Variants in TDP1 observed in about 807,000 individuals in gnomAD.
The protein encoded by TDP1 is tyrosyl-DNA phosphodiesterase 1, also known as tyr-DNA phosphodiesterase 1.
A neutral mutation model predicts 81.5 loss-of-function variants in TDP1; 64 were observed. That is an observed-to-expected ratio of 0.79 (90% confidence interval 0.64 to 0.97). The LOEUF is 0.97. TDP1 is among the 50% of genes least tolerant of loss of function. The pLI is 0.00. For missense variants in TDP1, 723 were observed against 743.8 expected, an observed-to-expected ratio of 0.97 and a Z score of 0.33; for synonymous variants, 256 against 264.3, an observed-to-expected ratio of 0.97 and a Z score of 0.30.
At position 89,963,613 on chromosome 14, in the gene TDP1, T is replaced by C; in HGVS notation, c.499T>C (p.Tyr167His). The C allele has an allele frequency of 6.2e-7, 1 of 1,614,150 alleles. No individual in the cohort carries two copies. Among genetic ancestry groups the C allele is most frequent in the South Asian group, 1.1e-5 (1 of 91,078 alleles). ...MLDKGNPFQF[Y>H]LTRVSGVKPK... ...GGATAAAGGGAACCCCTTCCAGTTT[T>C]ACCTCACTAGAGTCTCTGGAGTTAA... is the stretch of plus-strand genomic sequence containing the variant. The change falls in exon 3 of 17, where the codon TAC (tyrosine) becomes CAC (histidine). Residue 167 changes from tyrosine (Y) to histidine (H), a missense_variant. Physicochemically the swap from Tyr to His is moderately conservative, Grantham distance 83. Transcript: ENST00000335725.
intron 4 of TDP1, 151 bp downstream of exon 4, chr14:89,966,341 C>A: frequency 1.4e-6 from 1 of 697,100 alleles, no homozygotes; most frequent in Non-Finnish European, 2.6e-6. Context: ...TCAAGTGCCA[C>A]AGTAATGAGA....
At chr14:90,022,812 G>C (rs1005683765) in intron 15 of TDP1, 3 of 972,752 alleles carry the variant, frequency 3.1e-6, no homozygotes, top group South Asian at 4.8e-5. Context: ...GGATGACCCA[G>C]AGATTTGTGC....
intron 14 of TDP1, among the ~76,000 whole-genome samples, chr14:90,010,467 C>T (rs1016399294): frequency 6.6e-6 from 1 of 152,146 alleles, no homozygotes; most frequent in South Asian, 2.1e-4. Context: ...GGAATTAAGG[C>T]AGCAGGTGGG....
chr14:89,978,922 A>C (rs1374283351), intron 7 of TDP1, among the ~76,000 whole-genome samples: 1 of 152,230 alleles, frequency 6.6e-6, no homozygotes, highest in Non-Finnish European at 1.5e-5. Context: ...TCGTTTTGGC[A>C]AGAGCTAAAT....
intron 15 of TDP1, among the ~76,000 whole-genome samples, chr14:90,030,613 C>T (rs868488069): frequency 2.6e-5 from 4 of 152,280 alleles, no homozygotes; most frequent in Middle Eastern, 3.4e-3. Context: ...GTGCCATTTG[C>T]TCTTATGCAG....
chr14:89,988,775 T>C (rs1237133141), intron 10 of TDP1, 130 bp from the exon 11 acceptor site: 67 of 1,531,224 alleles, frequency 4.4e-5, no homozygotes, highest in Non-Finnish European at 5.4e-5. Context: ...GGGTATGAAA[T>C]TGATCACTAG....
intron 5 of TDP1, among the ~76,000 whole-genome samples, chr14:89,967,762 C>T (rs923377246): frequency 2.0e-5 from 3 of 152,144 alleles, no homozygotes; most frequent in African/African-American, 7.2e-5. Context: ...AACATGCCGC[C>T]AACGTGCCAT....
chr14:89,959,548 T>C (rs948893217), intron 2 of TDP1, among the ~76,000 whole-genome samples: 10 of 152,204 alleles, frequency 6.6e-5, no homozygotes, highest in Non-Finnish European at 1.5e-4. Flanking sequence ...TGTAACCCAA[T>C]AAATTGTATT....
In TDP1 at chr14:90,009,352, T is replaced by C. The variant is rs551377078; in HGVS notation, c.1542-9964T>C. On this transcript the variant is annotated intron_variant, in intron 14 of 16. Transcript: ENST00000335725. ...GGAAGAAAAGGAGTGACCAGAGAGG[T>C]TGAAAGCAGAAAGGAAGCCACAAAG... Among the ~76,000 whole-genome samples, 5 of 152,278 alleles carry C rather than the reference T, an allele frequency of 3.3e-5. No individual in the cohort carries two copies. In the South Asian group the frequency reaches 8.3e-4, roughly 25 times the overall value.
At chr14:89,987,121 A>AGCCTCTTCAAATGACTTGAT (rs1895658812) in intron 10 of TDP1, 2 of 152,244 alleles carry the variant, frequency 1.3e-5, no homozygotes, top group Non-Finnish European at 1.5e-5. Context: ...TATGACTGTT[A>AGCCTCTTCAAATGACTTGAT]AGCCTCTTTC....
At chr14:89,988,570 T>TA (rs754743210) in intron 10 of TDP1, 38 of 978,668 alleles carry the variant, frequency 3.9e-5, no homozygotes, top group East Asian at 2.3e-4. Flanking sequence ...TGATTTCAAG[T>TA]AAAAAAAATC....
chr14:89,965,132 C>T (rs1352329264), intron 3 of TDP1, among the ~76,000 whole-genome samples: 1 of 152,182 alleles, frequency 6.6e-6, no homozygotes, highest in Non-Finnish European at 1.5e-5. Flanking sequence ...TTTATCTCTG[C>T]AACTCTCCCA....
At chr14:89,975,526 TA>T in intron 6 of TDP1, 1 of 945,934 alleles carries the variant, frequency 1.1e-6, no homozygotes, top group Non-Finnish European at 1.3e-6. Context: ...TTACTGTAAT[TA>T]AAAATGTAGT....
intron 11 of TDP1, chr14:89,989,336 G>T (rs1481923048): frequency 1.0e-6 from 1 of 985,228 alleles, no homozygotes; most frequent in East Asian, 1.1e-4. Context: ...TGCAGACACA[G>T]ACTGGCCTGT....
intron 16 of TDP1, among the ~76,000 whole-genome samples, chr14:90,039,977 TG>T (rs1208474845): frequency 6.6e-6 from 1 of 152,186 alleles, no homozygotes; most frequent in East Asian, 1.9e-4. Context: ...TCCCGTTACA[TG>T]GTACTACCTC....
At chr14:90,038,090 C>T (rs1358170074) in intron 16 of TDP1, among the ~76,000 whole-genome samples, 3 of 152,142 alleles carry the variant, frequency 2.0e-5, no homozygotes, top group Non-Finnish European at 2.9e-5. Context: ...CACATCCTAT[C>T]GATCTGTCTG....
chr14:89,964,876 A>G (rs1892757980), intron 3 of TDP1: 1 of 446,922 alleles, frequency 2.2e-6, no homozygotes, highest in Non-Finnish European at 4.5e-6. Flanking sequence ...AGATGTTACA[A>G]TCGTATTCCT....
rs567063141 is a variant in TDP1 at position 90,029,200 on chromosome 14, T to A, written c.1645-3906T>A. On this transcript the variant is annotated intron_variant, in intron 15 of 16. Transcript: ENST00000335725. Reference sequence around the variant, plus strand: ...GATTTCCAGCCCTGCCATTATTTTTTTTTTTTTTTTTTTTTGAGACAGAGT... The same window carrying A: ...GATTTCCAGCCCTGCCATTATTTTTATTTTTTTTTTTTTTTGAGACAGAGT... Among the ~76,000 whole-genome samples the A allele has an allele frequency of 2.2e-3, 334 of 149,640 alleles. 3 individuals carry two copies. Among genetic ancestry groups the A allele is most frequent in the African/African-American group, 7.8e-3 (316 of 40,470 alleles).
intron 15 of TDP1, among the ~76,000 whole-genome samples, chr14:90,023,355 G>C (rs1456250827): frequency 6.6e-6 from 1 of 152,098 alleles, no homozygotes; most frequent in Non-Finnish European, 1.5e-5. Context: ...TGCTTGGAAT[G>C]GGGATGGGGC....
Sources: gnomAD v4.1 joint callset for allele counts (sites outside exome capture counted in the v4.1 genomes callset) on GRCh38, gnomAD v4.1.1 for gene constraint, MANE v1.5 for transcripts, NCBI Gene and HGNC (gene_info 2026-07-23, HGNC 2026-07-21) for gene names.